The following ATP10A variants were observed in gnomAD, a reference collection of about 807,000 sequenced individuals.
ATP10A encodes phospholipid-transporting ATPase VA.
ATP10A carries 111 observed loss-of-function variants against 147.8 expected under a neutral mutation model. The ratio of observed to expected loss-of-function variants is 0.75; its 90% CI spans 0.64 to 0.88. ATP10A has a LOEUF of 0.88. Among genes scored for constraint, ATP10A ranks in the 40% least tolerant of loss-of-function variants. ATP10A has a pLI of 0.00. For missense variants in ATP10A, 1,927 were observed against 1,959.0 expected (o/e 0.98, Z 0.31); for synonymous variants, 875 against 841.6 (o/e 1.04, Z -0.69).
chr15:25,687,292 T>C (rs1320545484), intron 16 of ATP10A, among the ~76,000 whole-genome samples: 2 of 152,146 alleles, frequency 1.3e-5, no homozygotes, highest in Non-Finnish European at 2.9e-5. Context: ...TTCAGCAGCA[T>C]GCTCCTGAGA....
At chr15:25,672,972 G>A (rs186113092), downstream of ATP10A, among the ~76,000 whole-genome samples, 4 of 152,230 alleles carry the variant, frequency 2.6e-5, no homozygotes, top group Admixed American at 2.0e-4. Context: ...ACACTTGTAC[G>A]GATGTGTGCA....
chr15:25,755,441 G>A (rs917706355), intron 2 of ATP10A, among the ~76,000 whole-genome samples: 3 of 152,148 alleles, frequency 2.0e-5, no homozygotes, highest in Non-Finnish European at 4.4e-5. Context: ...GCACAAATGA[G>A]CTTTTGAAAG....
chr15:25,688,768 A>G (rs994206721), intron 15 of ATP10A, among the ~76,000 whole-genome samples: 1 of 152,236 alleles, frequency 6.6e-6, no homozygotes. Context: ...GTCATGATAC[A>G]CAAAACCTTA....
intron 1 of ATP10A, among the ~76,000 whole-genome samples, chr15:25,852,948 T>C (rs564859034): frequency 3.9e-5 from 6 of 152,346 alleles, no homozygotes; most frequent in African/African-American, 1.4e-4. Context: ...CTGCCCTTTG[T>C]CAGTTGATTT....
chr15:25,761,795 T>C (rs6576455), intron 2 of ATP10A, among the ~76,000 whole-genome samples: 63,961 of 152,102 alleles, frequency 0.42, 13,824 homozygotes, highest in East Asian at 0.57. Context: ...CTTTTGATTT[T>C]ATAGTCTCAT....
chr15:25,857,041 C>T (rs1257543537), intron 1 of ATP10A, among the ~76,000 whole-genome samples: 1 of 152,188 alleles, frequency 6.6e-6, no homozygotes, highest in Non-Finnish European at 1.5e-5. Context: ...TTATCAGCCA[C>T]CTGCTGAGTA....
rs1171131477 is a variant in ATP10A at position 25,686,997 on chromosome 15, G to A, written c.3291+706C>T. ...CTTTAGCTACAGAATGAGCTCATCC[G>A]AGAGGGGTGTGTCTGCTCTGCAAGC... On this transcript the variant is annotated intron_variant, in intron 16 of 20. Transcript: ENST00000555815. Among the ~76,000 whole-genome samples, 2 of 108,128 alleles carry A rather than the reference G, an allele frequency of 1.8e-5. 1 individual carries two copies. The highest frequency in any genetic ancestry group is 1.3e-4 in the African/African-American group (2 of 15,626). The allele number at this position is 108,128 out of a possible 152,430, so 70.9% of individuals were successfully genotyped here. A position where few individuals can be genotyped will look rare whatever the true frequency, so the allele number is the denominator to read the frequency against.
intron 10 of ATP10A, among the ~76,000 whole-genome samples, chr15:25,712,472 C>T (rs996323368): frequency 4.6e-5 from 7 of 152,316 alleles, no homozygotes; most frequent in African/African-American, 1.7e-4. Flanking sequence ...ACCCGTCATG[C>T]TGTGAAATCT....
chr15:25,851,418 G>A (rs916519237), intron 1 of ATP10A, among the ~76,000 whole-genome samples: 1 of 151,694 alleles, frequency 6.6e-6, no homozygotes, highest in African/African-American at 2.4e-5. Context: ...ATCAATCAAA[G>A]ACATCGTTAA....
intron 9 of ATP10A, among the ~76,000 whole-genome samples, 190 bp from the exon 10 acceptor site, chr15:25,714,431 C>T (rs1023185099): frequency 6.6e-6 from 1 of 151,814 alleles, no homozygotes; most frequent in South Asian, 2.1e-4. Flanking sequence ...AGAATAGTGT[C>T]GCAATAAACA....
At chr15:25,702,143 T>C in intron 12 of ATP10A, 43 bp from the exon 13 acceptor site, 1 of 1,567,200 alleles carries the variant, frequency 6.4e-7, no homozygotes, top group Non-Finnish European at 8.7e-7. Context: ...GCTTCTCACG[T>C]GCCCCCCAAT....
At chr15:25,768,764 T>C (rs1276127371) in intron 2 of ATP10A, among the ~76,000 whole-genome samples, 2 of 150,250 alleles carry the variant, frequency 1.3e-5, no homozygotes, top group African/African-American at 4.9e-5. Context: ...CCTGGGTTTA[T>C]GTGGCCCTCC....
chr15:25,786,649 G>C (rs1312282149), intron 1 of ATP10A, among the ~76,000 whole-genome samples: 1 of 115,310 alleles, frequency 8.7e-6, no homozygotes, highest in Non-Finnish European at 1.6e-5. Flanking sequence ...TTTTTGAGGC[G>C]GAGTCTCGCT....
At chr15:25,744,856 G>A (rs890369104) in intron 2 of ATP10A, among the ~76,000 whole-genome samples, 3 of 152,164 alleles carry the variant, frequency 2.0e-5, no homozygotes, top group Non-Finnish European at 2.9e-5. Flanking sequence ...AGAAGAAAAA[G>A]AGAGAGAGAA....
chr15:25,718,419 G>A lies in ATP10A; in HGVS notation c.1364-20C>T. ...GCTGCGCTGCGGGGAGAGGGCGCAG[G>A]GTGAGGCATCATGGGGGAAGGCTGG... On this transcript the variant is annotated intron_variant, in intron 7 of 20. Transcript: ENST00000555815. The A allele has an allele frequency of 6.4e-7, 1 of 1,569,538 alleles. No individual in the cohort carries two copies. Among genetic ancestry groups the A allele is most frequent in the Non-Finnish European group, 8.6e-7 (1 of 1,161,616 alleles).
chr15:25,685,301 T>A (rs1351086972), intron 16 of ATP10A, among the ~76,000 whole-genome samples: 1 of 152,188 alleles, frequency 6.6e-6, no homozygotes, highest in Non-Finnish European at 1.5e-5. Context: ...GCCTGGCATT[T>A]TTATGGAATA....
At chr15:25,855,372 C>T (rs1166735225) in intron 1 of ATP10A, among the ~76,000 whole-genome samples, 4 of 152,138 alleles carry the variant, frequency 2.6e-5, no homozygotes, top group East Asian at 1.9e-4. Flanking sequence ...TTGAACTACA[C>T]ATAAAAGCTA....
At chr15:25,682,916 A>C (rs1216137410) in intron 17 of ATP10A, among the ~76,000 whole-genome samples, 10 of 152,184 alleles carry the variant, frequency 6.6e-5, no homozygotes. Flanking sequence ...TTGCTCTTTC[A>C]GTGGCTCAGT....
chr15:25,689,385 T>G (rs929791457), intron 15 of ATP10A, among the ~76,000 whole-genome samples: 1 of 152,214 alleles, frequency 6.6e-6, no homozygotes, highest in Admixed American at 6.5e-5. Flanking sequence ...TCCCAGGAGC[T>G]GTGGGATCTC....
Sources: gnomAD v4.1 joint callset for allele counts (sites outside exome capture counted in the v4.1 genomes callset) on GRCh38, gnomAD v4.1.1 for gene constraint, MANE v1.5 for transcripts, NCBI Gene and HGNC (gene_info 2026-07-23, HGNC 2026-07-21) for gene names.